The following NCAPG2 variants were observed in gnomAD, a reference collection of about 807,000 sequenced individuals.
The protein encoded by NCAPG2 is condensin-2 complex subunit G2.
Under a neutral mutation model 141.1 loss-of-function variants are expected in NCAPG2, and 53 were observed. The observed-to-expected ratio is 0.38, with a 90% CI of 0.30 to 0.47. NCAPG2 has a LOEUF of 0.47. Ranked by LOEUF, NCAPG2 falls within the 20% of genes least tolerant of loss-of-function variation. The pLI, the probability that NCAPG2 is intolerant of heterozygous loss-of-function variation, is 0.99. For missense variants in NCAPG2, 1,087 were observed against 1,389.0 expected, an observed-to-expected ratio of 0.78 and a Z score of 3.46; for synonymous variants, 499 against 490.7, an observed-to-expected ratio of 1.02 and a Z score of -0.22.
intron 24 of NCAPG2, 36 bp downstream of exon 24, chr7:158,650,796 A>T: frequency 6.3e-7 from 1 of 1,579,920 alleles, no homozygotes. Flanking sequence ...TGTCATCAAT[A>T]AGAGGCACAG....
intron 23 of NCAPG2, among the ~76,000 whole-genome samples, chr7:158,651,886 C>G (rs1227099830): frequency 6.6e-6 from 1 of 152,246 alleles, no homozygotes; most frequent in Non-Finnish European, 1.5e-5. Flanking sequence ...AAATTAGCAT[C>G]TTTCAAAAGA....
chr7:158,654,521 C>G (rs1436001937), intron 22 of NCAPG2, 74 bp downstream of exon 22: 10 of 1,424,050 alleles, frequency 7.0e-6, no homozygotes, highest in Non-Finnish European at 9.6e-6. Flanking sequence ...GAGTTCTGAG[C>G]TACACAGTAA....
At chr7:158,673,306 G>A (rs1833860671) in intron 12 of NCAPG2, among the ~76,000 whole-genome samples, 1 of 152,206 alleles carries the variant, frequency 6.6e-6, no homozygotes, top group Non-Finnish European at 1.5e-5. Flanking sequence ...CTCAGCAGTG[G>A]AGACAGGGTG....
At chr7:158,672,316 A>T (rs1587219214) in intron 12 of NCAPG2, among the ~76,000 whole-genome samples, 1 of 35,752 alleles carries the variant, frequency 2.8e-5, no homozygotes, top group African/African-American at 1.1e-4. Context: ...ATATATATAT[A>T]TATATATATA....
intron 7 of NCAPG2, 82 bp from the exon 8 acceptor site, chr7:158,686,323 C>T (rs1016751313): frequency 7.6e-6 from 6 of 785,260 alleles, no homozygotes; most frequent in South Asian, 2.1e-5. Context: ...TACTCTCCAA[C>T]CATAGTGAAG....
At chr7:158,695,001 A>G (rs1371493467) in intron 2 of NCAPG2, among the ~76,000 whole-genome samples, 2 of 152,210 alleles carry the variant, frequency 1.3e-5, no homozygotes, top group Non-Finnish European at 2.9e-5. Context: ...CCGACATTCA[A>G]TCATGAACAA....
rs1022958339 is a variant in NCAPG2, at chr7:158,693,089, G to T, written c.268-133C>A. On this transcript the variant is annotated intron_variant, in intron 3 of 27. Transcript: ENST00000356309. The stretch of plus-strand genomic sequence containing the variant: ...GCTTATTCTAAAAAGAATTAAAGTT[G>T]AATAAAAGTAAATCATCCTAAAAGA... The T allele has an allele frequency of 4.9e-6, 4 of 809,708 alleles. No individual in the cohort carries two copies. The African/African-American group carries it at 5.2e-5, about 11-fold the overall frequency. 50.2% of individuals were successfully genotyped at this position (809,708 alleles called of 1,614,324 possible). A position where few individuals can be genotyped will look rare whatever the true frequency, so the allele number is the denominator to read the frequency against.
chr7:158,698,155 AT>A (rs1485386899), intron 2 of NCAPG2, among the ~76,000 whole-genome samples: 2 of 152,226 alleles, frequency 1.3e-5, no homozygotes, highest in African/African-American at 4.8e-5. Flanking sequence ...GTAAAGCAAA[AT>A]AAGTTTGTGT....
chr7:158,673,646 T>G (rs894057006), intron 12 of NCAPG2, among the ~76,000 whole-genome samples: 9 of 152,198 alleles, frequency 5.9e-5, no homozygotes, highest in African/African-American at 2.2e-4. Context: ...AGCTACCTGC[T>G]GGTCACCTGA....
At chr7:158,655,810 T>C (rs143451526) in intron 19 of NCAPG2, among the ~76,000 whole-genome samples, 302 of 6,272 alleles carry the variant, frequency 0.048, no homozygotes, top group Admixed American at 0.16. Context: ...AACAGGGTGT[T>C]CAGAGGGCTG....
intron 21 of NCAPG2, 126 bp from the exon 22 acceptor site, chr7:158,654,820 T>C (rs1268648577): frequency 1.4e-6 from 2 of 1,413,168 alleles, no homozygotes; most frequent in Non-Finnish European, 1.8e-6. Flanking sequence ...AAAGATGTTT[T>C]ATAAAGGAAT....
At chr7:158,653,153 G>A (rs1032984597) in intron 22 of NCAPG2, among the ~76,000 whole-genome samples, 2 of 152,044 alleles carry the variant, frequency 1.3e-5, no homozygotes, top group Non-Finnish European at 2.9e-5. Flanking sequence ...TGGATCACTT[G>A]AGTTTGAGAC....
At chr7:158,693,278 AC>A (rs1835241562) in intron 3 of NCAPG2, 30 bp downstream of exon 3, 1 of 1,577,808 alleles carries the variant, frequency 6.3e-7, no homozygotes, top group East Asian at 2.2e-5. Flanking sequence ...AAAGAGAAAA[AC>A]GTTTCTTATT....
rs189293145 is a variant in NCAPG2, at chr7:158,636,987, A to G, written c.3381-5270T>C. 3.9e-3 allele frequency among the ~76,000 whole-genome samples: 589 copies of G among 151,086 alleles called. 1 individual carries two copies. The highest frequency in any genetic ancestry group is 1.0e-2 in the African/African-American group (410 of 41,058). ...TTTTGAGACGGAGCCCTGCTCTGTC[A>G]CCCAGGCTGGAATGCAGTGGTGTGA... On this transcript the variant is annotated intron_variant, in intron 27 of 27. Coordinates refer to ENST00000356309, the MANE Select transcript of NCAPG2 (RefSeq NM_017760.7).
intron 23 of NCAPG2, among the ~76,000 whole-genome samples, chr7:158,651,558 T>C (rs1411067104): frequency 6.6e-6 from 1 of 152,184 alleles, no homozygotes; most frequent in Non-Finnish European, 1.5e-5. Context: ...CATTAAAAAA[T>C]AATAGCTCAT....
chr7:158,677,525 C>CAAAA lies in NCAPG2; in HGVS notation c.1147-1873_1147-1870dup. On this transcript the variant is annotated intron_variant, in intron 11 of 27. Coordinates refer to ENST00000356309, the MANE Select transcript of NCAPG2 (RefSeq NM_017760.7). The stretch of plus-strand genomic sequence containing the variant: ...AGAAAAAAAGATGATAAAAATAAAG[C>CAAAA]AAAAAAAAAAAAAAAAAAAAAAACA... Among the ~76,000 whole-genome samples, 75 of 90,356 alleles carry CAAAA rather than the reference C, an allele frequency of 8.3e-4. 3 individuals carry two copies. The highest frequency in any genetic ancestry group is 1.1e-3 in the Non-Finnish European group (52 of 46,710). The allele number at this position is 90,356 out of a possible 152,430, so 59.3% of individuals were successfully genotyped here.
At chr7:158,677,531 A>AAAAAAAAAAAAAAAAAAG (rs1370574761) in intron 11 of NCAPG2, among the ~76,000 whole-genome samples, 2 of 45,330 alleles carry the variant, frequency 4.4e-5, no homozygotes, top group African/African-American at 8.1e-5. Context: ...AAAGCAAAAA[A>AAAAAAAAAAAAAAAAAAG]AAAAAAAAAA....
chr7:158,683,228 T>G (rs773207141), intron 9 of NCAPG2, 72 bp downstream of exon 9: 152 of 1,277,620 alleles, frequency 1.2e-4, no homozygotes, highest in Non-Finnish European at 1.5e-4. Context: ...ATTTTAAAAT[T>G]TAACCAAAAC....
chr7:158,635,274 C>A (rs994529216), intron 27 of NCAPG2, among the ~76,000 whole-genome samples: 2 of 152,008 alleles, frequency 1.3e-5, no homozygotes, highest in African/African-American at 4.8e-5. Context: ...AAAAAAAAGA[C>A]TGTTAAAATT....
Sources: gnomAD v4.1 joint callset for allele counts (sites outside exome capture counted in the v4.1 genomes callset) on GRCh38, gnomAD v4.1.1 for gene constraint, MANE v1.5 for transcripts, NCBI Gene and HGNC (gene_info 2026-07-23, HGNC 2026-07-21) for gene names.